POLN: variants seen among roughly 807,000 people sequenced by gnomAD.
POLN encodes the protein DNA polymerase N.
A neutral mutation model predicts 113.5 loss-of-function variants in POLN; 108 were observed. The ratio of observed to expected loss-of-function variants is 0.95; its 90% confidence interval spans 0.81 to 1.12. POLN has a LOEUF of 1.12. POLN is among the 50% of genes most tolerant of loss of function. The pLI is 0.00. For missense variants in POLN, 1,097 were observed against 1,077.1 expected, an observed-to-expected ratio of 1.02 and a Z score of -0.26; for synonymous variants, 386 against 391.5, an observed-to-expected ratio of 0.99 and a Z score of 0.17.
At chr4:2,226,224 G>C (rs2108772228) in intron 3 of POLN, among the ~76,000 whole-genome samples, 1 of 152,252 alleles carries the variant, frequency 6.6e-6, no homozygotes, top group African/African-American at 2.4e-5. Context: ...GCCTCCCTTG[G>C]AAATGGCACC....
chr4:2,123,481 C>G (rs1345456084), intron 19 of POLN, among the ~76,000 whole-genome samples: 2 of 151,264 alleles, frequency 1.3e-5, no homozygotes, highest in Non-Finnish European at 2.9e-5. Context: ...CAAAAATTAG[C>G]TGGGTGGTAG....
intron 7 of POLN, among the ~76,000 whole-genome samples, chr4:2,189,220 C>CATAG (rs76790619): frequency 0.25 from 37,353 of 151,962 alleles, 7,063 homozygotes; most frequent in African/African-American, 0.51. Context: ...AATTAAAAGA[C>CATAG]ATAGAATAGC....
At chr4:2,221,444 T>A (rs1409793849) in intron 3 of POLN, among the ~76,000 whole-genome samples, 1 of 152,206 alleles carries the variant, frequency 6.6e-6, no homozygotes, top group Non-Finnish European at 1.5e-5. Context: ...GCCTCTGAGG[T>A]TCACCTGAGA....
At chr4:2,152,956 C>T (rs1040684985) in intron 16 of POLN, among the ~76,000 whole-genome samples, 1 of 152,218 alleles carries the variant, frequency 6.6e-6, no homozygotes, top group Non-Finnish European at 1.5e-5. Context: ...GTACCCAGTA[C>T]AGTAATTACT....
chr4:2,190,131 G>A (rs1733403262), intron 7 of POLN, among the ~76,000 whole-genome samples: 1 of 151,836 alleles, frequency 6.6e-6, no homozygotes, highest in Non-Finnish European at 1.5e-5. Flanking sequence ...AAAGCTGGAG[G>A]AATCACCCAC....
intron 19 of POLN, among the ~76,000 whole-genome samples, chr4:2,118,318 T>C (rs1270439566): frequency 6.6e-6 from 1 of 152,244 alleles, no homozygotes; most frequent in Non-Finnish European, 1.5e-5. Context: ...ACAGGCCTTT[T>C]CAGATTTTTC....
At chr4:2,206,900 A>G (rs1002011558) in intron 5 of POLN, among the ~76,000 whole-genome samples, 2 of 152,260 alleles carry the variant, frequency 1.3e-5, no homozygotes, top group Admixed American at 6.5e-5. Context: ...ACTACTGGGT[A>G]TCTACCCAGA....
Position 2,072,252 on chromosome 4 carries a change from C to G in POLN, c.2565G>C (p.Leu855=). The change falls in exon 26 of 26, where the codon CTG becomes CTC. Residue 855 remains leucine (L), a synonymous_variant. Coordinates refer to ENST00000511885, the MANE Select transcript of POLN (RefSeq NM_181808.4). ...SLSAGRSWGH[L]VPLQEAWGPP... is the part of the protein sequence containing the mutation. ...GGCCCCAGGCCTCCTGCAGTGGCAC[C>G]AGGTGTCCCCATGAGCGGCCGGCAC... The G allele has an allele frequency of 6.3e-7, 1 of 1,597,970 alleles. No homozygotes were observed. The highest frequency in any genetic ancestry group is 8.5e-7 in the Non-Finnish European group (1 of 1,171,768).
chr4:2,129,714 A>G (rs1466310097), intron 17 of POLN, among the ~76,000 whole-genome samples: 1 of 152,196 alleles, frequency 6.6e-6, no homozygotes, highest in Non-Finnish European at 1.5e-5. Context: ...TAAAAATAAC[A>G]TATTACTACT....
intron 16 of POLN, among the ~76,000 whole-genome samples, chr4:2,151,921 A>G (rs1732306140): frequency 2.6e-5 from 4 of 152,230 alleles, no homozygotes; most frequent in Admixed American, 2.0e-4. Flanking sequence ...TTCCATATAA[A>G]GGACCAGAAG....
At chr4:2,236,292 T>G (rs1374462944) in intron 2 of POLN, 1 of 1,613,788 alleles carries the variant, frequency 6.2e-7, no homozygotes, top group South Asian at 1.1e-5. Context: ...GTCCACATCC[T>G]TATTCCGTTT....
At position 2,075,449 on chromosome 4, in the gene POLN, TACCTGCAC is replaced by T; in HGVS notation, c.2450_2455+2del. The T allele has an allele frequency of 6.2e-7, 1 of 1,613,478 alleles. No individual in the cohort carries two copies. Among genetic ancestry groups the T allele is most frequent in the Non-Finnish European group, 8.5e-7 (1 of 1,179,966 alleles). ...CAAGCAACCCTGTGTTGCCCCAGGC[TACCTGCAC>T]ACTCCGGGATCTGCGGATCTTCCAC... is the stretch of plus-strand genomic sequence containing the variant. On this transcript the variant is annotated splice_donor_variant and coding_sequence_variant, in exon 24 of 26. Coordinates refer to ENST00000511885, the MANE Select transcript of POLN (RefSeq NM_181808.4). LOFTEE classifies it high-confidence loss of function.
At chr4:2,199,486 G>A (rs998825018) in intron 5 of POLN, among the ~76,000 whole-genome samples, 2 of 152,122 alleles carry the variant, frequency 1.3e-5, no homozygotes, top group African/African-American at 4.8e-5. Context: ...GGTGGCGAGA[G>A]AACACATTAC....
At chr4:2,166,991 C>G (rs1732744713) in intron 13 of POLN, among the ~76,000 whole-genome samples, 1 of 152,252 alleles carries the variant, frequency 6.6e-6, no homozygotes, top group East Asian at 1.9e-4. Flanking sequence ...TCTAGAGAAC[C>G]CTGTTACAGT....
chr4:2,096,534 A>T (rs1261216200), intron 19 of POLN, among the ~76,000 whole-genome samples: 1 of 152,056 alleles, frequency 6.6e-6, no homozygotes, highest in African/African-American at 2.4e-5. Flanking sequence ...CACCACCAAG[A>T]GTCCCTCCTC....
At chr4:2,234,038 T>C (rs1166619930) in intron 2 of POLN, among the ~76,000 whole-genome samples, 1 of 152,110 alleles carries the variant, frequency 6.6e-6, no homozygotes, top group Non-Finnish European at 1.5e-5. Context: ...CATATGATAT[T>C]GTTCAAGAGC....
intron 7 of POLN, among the ~76,000 whole-genome samples, chr4:2,192,923 G>C (rs2108756827): frequency 6.6e-6 from 1 of 152,074 alleles, no homozygotes; most frequent in South Asian, 2.1e-4. Context: ...AAGTTTATAA[G>C]CTATTTGTGG....
chr4:2,105,233 CACTTCCA>C (rs749832676), intron 19 of POLN, among the ~76,000 whole-genome samples: 19 of 152,328 alleles, frequency 1.2e-4, no homozygotes, highest in Non-Finnish European at 1.3e-4. Flanking sequence ...CAAACCTCAT[CACTTCCA>C]CCTCCTAATA....
intron 16 of POLN, among the ~76,000 whole-genome samples, chr4:2,132,294 T>C (rs574905238): frequency 6.6e-6 from 1 of 152,036 alleles, no homozygotes; most frequent in East Asian, 1.9e-4. Flanking sequence ...ATAGAAATGA[T>C]CCAATCTAAA....
Sources: allele counts gnomAD v4.1 joint callset (sites outside exome capture counted in the v4.1 genomes callset), GRCh38; gene constraint gnomAD v4.1.1; transcripts MANE v1.5; gene names NCBI Gene and HGNC (gene_info 2026-07-23, HGNC 2026-07-21).